KIFAP3: variants seen among roughly 807,000 people sequenced by gnomAD.
KIFAP3 encodes kinesin-associated protein 3.
KIFAP3 carries 68 observed loss-of-function variants against 106.5 expected under a neutral mutation model. The observed-to-expected ratio is 0.64, with a 90% CI of 0.53 to 0.78. KIFAP3 has a LOEUF of 0.78. KIFAP3 is among the 30% of genes least tolerant of loss of function. The pLI is 0.00. For synonymous variants in KIFAP3, 320 were observed against 311.5 expected (o/e 1.03, Z -0.29); for missense variants, 780 against 941.8 (o/e 0.83, Z 2.25).
At chr1:170,035,952 T>C (rs577357134) in intron 5 of KIFAP3, among the ~76,000 whole-genome samples, 1 of 152,098 alleles carries the variant, frequency 6.6e-6, no homozygotes, top group South Asian at 2.1e-4. Flanking sequence ...TGAAAAAAAC[T>C]TGAATAAGTC....
chr1:169,972,539 A>C lies in KIFAP3; in HGVS notation c.1957T>G (p.Cys653Gly). 1 of 1,540,778 alleles carries C rather than the reference A, an allele frequency of 6.5e-7. No homozygotes were observed. Among genetic ancestry groups the C allele is most frequent in the Non-Finnish European group, 9.0e-7 (1 of 1,117,314 alleles). The part of the protein sequence containing the change: ...HDKNNEIRKV[C>G]DNTLDIIAEY... ...GCTATAATATCTAATGTATTATCAC[A>C]GACCTTTCGGATTTCATTATTCTTA... The change falls in exon 17 of 20, where the codon TGT (cysteine) becomes GGT (glycine). Residue 653 changes from cysteine (C) to glycine (G), a missense_variant. This residue lies in a region of KIFAP3 where 78 missense variants were observed against 140.6 expected (regional missense o/e 0.55). Coordinates refer to ENST00000361580, the MANE Select transcript of KIFAP3 (RefSeq NM_014970.4).
At chr1:170,015,947 T>G (rs1186660151) in intron 10 of KIFAP3, among the ~76,000 whole-genome samples, 1 of 152,042 alleles carries the variant, frequency 6.6e-6, no homozygotes, top group African/African-American at 2.4e-5. Context: ...ATACCCTTTT[T>G]AGAGGCTGAG....
At chr1:170,035,334 G>C (rs911751491) in intron 6 of KIFAP3, 120 bp downstream of exon 6, 2 of 554,320 alleles carry the variant, frequency 3.6e-6, no homozygotes, top group African/African-American at 2.0e-5. Context: ...TTCAGCAGTA[G>C]AGCATAGGCA....
At chr1:170,040,987 A>G (rs1571715929) in intron 3 of KIFAP3, among the ~76,000 whole-genome samples, 1 of 151,888 alleles carries the variant, frequency 6.6e-6, no homozygotes, top group Non-Finnish European at 1.5e-5. Flanking sequence ...CACAACGCCC[A>G]GCTATTTTTG....
chr1:170,005,217 G>T (rs1222384053), intron 10 of KIFAP3, among the ~76,000 whole-genome samples: 2 of 152,158 alleles, frequency 1.3e-5, no homozygotes, highest in East Asian at 1.9e-4. Flanking sequence ...AACAGGTGCT[G>T]GAGAGGATGT....
chr1:169,923,723 T>C (rs1472816897), intron 19 of KIFAP3, among the ~76,000 whole-genome samples: 1 of 152,218 alleles, frequency 6.6e-6, no homozygotes, highest in Non-Finnish European at 1.5e-5. Context: ...TCAGAGTATC[T>C]CACAGACGAC....
chr1:170,023,239 T>C (rs1161057449), intron 9 of KIFAP3, among the ~76,000 whole-genome samples: 2 of 152,050 alleles, frequency 1.3e-5, no homozygotes, highest in Non-Finnish European at 2.9e-5. Context: ...AAATAAAATT[T>C]CATAAATTCA....
At chr1:170,014,245 C>G (rs1455862003) in intron 10 of KIFAP3, among the ~76,000 whole-genome samples, 1 of 152,106 alleles carries the variant, frequency 6.6e-6, no homozygotes, top group African/African-American at 2.4e-5. Context: ...ACAATGATCC[C>G]CACCATCAGT....
chr1:169,956,610 C>CT (rs1163823729), intron 18 of KIFAP3, among the ~76,000 whole-genome samples: 28,232 of 117,350 alleles, frequency 0.24, 3,695 homozygotes, highest in Middle Eastern at 0.31. Context: ...CACTGAAGTT[C>CT]TTTTTTTTTT....
At chr1:169,923,055 A>G in intron 19 of KIFAP3, 5 of 982,928 alleles carry the variant, frequency 5.1e-6, no homozygotes, top group Non-Finnish European at 6.0e-6. Context: ...CAAAATACAT[A>G]TAACACATAC....
At chr1:169,926,633 G>C (rs1351842787) in intron 19 of KIFAP3, among the ~76,000 whole-genome samples, 1 of 151,286 alleles carries the variant, frequency 6.6e-6, no homozygotes, top group African/African-American at 2.4e-5. Flanking sequence ...TTGAGTTATA[G>C]TTACATGTAA....
rs960467219 is a variant in KIFAP3, at chr1:170,041,096, T to C, written c.320-1808A>G. ...CCTCGGCCTCCCAAAGTGCTGACAT[T>C]ATAGGCGTGAGCCACCACACCCAGC... On this transcript the variant is annotated intron_variant, in intron 3 of 19. Coordinates refer to ENST00000361580, the MANE Select transcript of KIFAP3 (RefSeq NM_014970.4). 3.9e-5 allele frequency among the ~76,000 whole-genome samples: 6 copies of C among 152,156 alleles called. No individual in the cohort carries two copies. In the South Asian group the frequency reaches 1.2e-3, roughly 31 times the overall value.
intron 1 of KIFAP3, among the ~76,000 whole-genome samples, chr1:170,082,743 T>G (rs1333792600): frequency 6.6e-6 from 1 of 151,896 alleles, no homozygotes; most frequent in African/African-American, 2.4e-5. Flanking sequence ...GGGGCCAAGG[T>G]GGGAGGATCA....
chr1:170,060,701 A>C (rs1671101561), intron 1 of KIFAP3, among the ~76,000 whole-genome samples: 2 of 152,208 alleles, frequency 1.3e-5, no homozygotes, highest in African/African-American at 4.8e-5. Context: ...CCGCATCACC[A>C]AGTCAATCCT....
At chr1:170,067,293 G>C (rs550363465) in intron 1 of KIFAP3, among the ~76,000 whole-genome samples, 58 of 152,226 alleles carry the variant, frequency 3.8e-4, no homozygotes, top group African/African-American at 8.9e-4. Context: ...AAAGATAATG[G>C]CTAAGTGACA....
intron 10 of KIFAP3, among the ~76,000 whole-genome samples, chr1:170,005,763 C>T (rs1273683821): frequency 2.7e-5 from 4 of 149,190 alleles, no homozygotes; most frequent in East Asian, 2.0e-4. Flanking sequence ...TGCTAAATGA[C>T]GAGTTAATGG....
chr1:170,041,596 A>G, intron 3 of KIFAP3: 1 of 1,084,162 alleles, frequency 9.2e-7, no homozygotes, highest in Non-Finnish European at 1.3e-6. Context: ...AGAGGCCCGG[A>G]GATGAGTCCA....
At chr1:170,074,298 C>G in intron 1 of KIFAP3, 138 bp downstream of exon 1, 4 of 1,034,714 alleles carry the variant, frequency 3.9e-6, no homozygotes, top group Non-Finnish European at 5.7e-6. Context: ...CCTTTTCCCT[C>G]TCCTTTCGGT....
In KIFAP3 at chr1:169,929,224, A is replaced by T. The variant is rs371404234; in HGVS notation, c.2274-7443T>A. ...AATGTGGCATCCATTGCTGTCGCAG[A>T]TAATTAATGTCCAGTTTTATGATTA... On this transcript the variant is annotated intron_variant, in intron 19 of 19. Coordinates refer to ENST00000361580, the MANE Select transcript of KIFAP3 (RefSeq NM_014970.4). Among the ~76,000 whole-genome samples, 6 of 152,338 alleles carry T rather than the reference A, an allele frequency of 3.9e-5. No homozygotes were observed. In the East Asian group the frequency reaches 5.8e-4, roughly 15 times the overall value.
Sources: allele counts gnomAD v4.1 joint callset (sites outside exome capture counted in the v4.1 genomes callset), GRCh38; gene constraint gnomAD v4.1.1; regional missense constraint gnomAD v4.1.1; transcripts MANE v1.5; gene names NCBI Gene and HGNC (gene_info 2026-07-23, HGNC 2026-07-21).